SH3PXD2A: variants seen among roughly 807,000 people sequenced by gnomAD.
SH3PXD2A encodes the protein SH3 and PX domains 2A.
Under a neutral mutation model 115.2 loss-of-function variants are expected in SH3PXD2A, and 32 were observed. That is an observed-to-expected ratio of 0.28 (90% CI 0.21 to 0.37). SH3PXD2A has a LOEUF of 0.37. Among genes scored for constraint, SH3PXD2A ranks in the 10% least tolerant of loss-of-function variants. SH3PXD2A has a pLI of 1.00. For synonymous variants in SH3PXD2A, 610 were observed against 629.1 expected (o/e 0.97, Z 0.45); for missense variants, 1,328 against 1,498.7 (o/e 0.89, Z 1.88).
intron 5 of SH3PXD2A, among the ~76,000 whole-genome samples, chr10:103,698,878 G>A (rs1214430204): frequency 2.0e-5 from 3 of 152,012 alleles, no homozygotes; most frequent in Non-Finnish European, 2.9e-5. Context: ...TAAAGGACAA[G>A]GGGGTTTGGA....
intron 11 of SH3PXD2A, among the ~76,000 whole-genome samples, chr10:103,614,469 A>AAAAAC (rs368232709): frequency 2.6e-5 from 4 of 152,236 alleles, no homozygotes; most frequent in Non-Finnish European, 1.5e-5. Context: ...AAAGCAAAAC[A>AAAAAC]AAAACAAAAC....
rs187093355 is a variant in SH3PXD2A at position 103,661,506 on chromosome 10, C to T, written c.473-392G>A. On this transcript the variant is annotated intron_variant, in intron 7 of 14. Transcript: ENST00000369774. The stretch of plus-strand genomic sequence containing the variant: ...CTGGGGCCGACGGGGTCTCTCCGGC[C>T]TCCCTCTCGGGCCGGCAGGGGCATC... The T allele has an allele frequency of 1.6e-4, 49 of 305,096 alleles. 1 individual carries two copies. The East Asian group carries it at 7.5e-3, about 46-fold the overall frequency. The allele number at this position is 305,096 out of a possible 1,614,324, so 18.9% of individuals were successfully genotyped here. A position where few individuals can be genotyped will look rare whatever the true frequency, so the allele number is the denominator to read the frequency against.
intron 2 of SH3PXD2A, among the ~76,000 whole-genome samples, chr10:103,779,655 G>A (rs1280017523): frequency 1.3e-5 from 2 of 152,218 alleles, no homozygotes; most frequent in Non-Finnish European, 2.9e-5. Flanking sequence ...AGGACGGAGA[G>A]TGGTGCAAGA....
intron 3 of SH3PXD2A, among the ~76,000 whole-genome samples, chr10:103,737,475 T>C (rs2038393076): frequency 6.6e-6 from 1 of 152,182 alleles, no homozygotes; most frequent in Non-Finnish European, 1.5e-5. Context: ...TGACTTGTTT[T>C]GGAGGCGATC....
In SH3PXD2A at chr10:103,603,170, T is replaced by G. The variant is rs767370392; in HGVS notation, c.2048A>C (p.Lys683Thr). Residue 683 changes from lysine to threonine, a missense_variant, in exon 15 of 15, where the codon AAG becomes ACG. Lys to Thr is a moderately conservative substitution (Grantham distance 78). Around this residue, in one of 5 missense-constraint regions of SH3PXD2A, gnomAD observed 574 missense variants for 565.7 expected, o/e 1.01. Coordinates refer to ENST00000369774, the MANE Select transcript of SH3PXD2A (RefSeq NM_001394015.1). Reference sequence around the variant, plus strand: ...GGAAAAGGAGGCTGAGGAGTGGTTCTTCCCCATTTCTGCCTGGGCATTCTT... The same window carrying G: ...GGAAAAGGAGGCTGAGGAGTGGTTCGTCCCCATTTCTGCCTGGGCATTCTT... ...AEKNAQAEMG[K>T]NHSSASFSSS... The G allele has an allele frequency of 2.5e-6, 4 of 1,614,002 alleles. No individual in the cohort carries two copies. The South Asian group carries it at 3.3e-5, about 13-fold the overall frequency.
Position 103,665,027 on chromosome 10 carries a change from C to T in SH3PXD2A, c.472+3581G>A, listed in dbSNP as rs1370417191. Among the ~76,000 whole-genome samples the T allele has an allele frequency of 1.3e-5, 2 of 152,148 alleles. No individual in the cohort carries two copies. The highest frequency in any genetic ancestry group is 4.8e-5 in the African/African-American group (2 of 41,434). The stretch of plus-strand genomic sequence containing the variant: ...CACCTCTACTGACCAGACCACAGTG[C>T]CTGTTAGGTGGCAGGCACTCAATAA... On this transcript the variant is annotated intron_variant, in intron 7 of 14. Transcript: ENST00000369774. This position sits in a 1 kb window ranked among gnomAD's most constrained non-coding sequence, Gnocchi z 4.0.
intron 4 of SH3PXD2A, among the ~76,000 whole-genome samples, chr10:103,727,517 A>T (rs567984742): frequency 6.6e-6 from 1 of 152,106 alleles, no homozygotes; most frequent in Non-Finnish European, 1.5e-5. Context: ...CCGGGTGACC[A>T]CCCTGAAAGG....
intron 8 of SH3PXD2A, among the ~76,000 whole-genome samples, chr10:103,633,479 A>G (rs911780289): frequency 6.6e-6 from 1 of 151,592 alleles, no homozygotes; most frequent in Non-Finnish European, 1.5e-5. Context: ...TCCCTGTAGC[A>G]CTTTGGAAGG....
At chr10:103,805,514 C>T (rs1291313720) in intron 1 of SH3PXD2A, among the ~76,000 whole-genome samples, 2 of 152,256 alleles carry the variant, frequency 1.3e-5, no homozygotes, top group Non-Finnish European at 2.9e-5. Flanking sequence ...AGATGTCCCA[C>T]TTCCCAGCCT....
At chr10:103,798,609 A>G (rs2039117433) in intron 2 of SH3PXD2A, among the ~76,000 whole-genome samples, 1 of 152,152 alleles carries the variant, frequency 6.6e-6, no homozygotes, top group African/African-American at 2.4e-5. Context: ...GAGGCTTAGA[A>G]CCACGAGTTG....
chr10:103,725,083 G>A (rs115185039), intron 4 of SH3PXD2A, among the ~76,000 whole-genome samples: 174 of 152,350 alleles, frequency 1.1e-3, no homozygotes, highest in African/African-American at 4.0e-3. Flanking sequence ...TAGAACCCAA[G>A]AAGATGTGGA....
rs1312390365 is a variant in SH3PXD2A, at chr10:103,662,554, C to T, written c.473-1440G>A. On this transcript the variant is annotated intron_variant, in intron 7 of 14. Transcript: ENST00000369774. ...AGCTGGGACTACAGGCGCCCGCCAC[C>T]GCGCCCGGCTAATTTTTTGTATTTT... 5.3e-5 allele frequency among the ~76,000 whole-genome samples: 8 copies of T among 151,112 alleles called. No individual in the cohort carries two copies. The East Asian group carries it at 7.8e-4, about 15-fold the overall frequency.
chr10:103,695,263 A>C (rs535959050), intron 5 of SH3PXD2A, among the ~76,000 whole-genome samples: 5 of 152,264 alleles, frequency 3.3e-5, no homozygotes, highest in African/African-American at 1.2e-4. Context: ...TCCAGCTCTG[A>C]GCAGGTTGAG....
At chr10:103,639,453 T>C (rs1564851178) in intron 8 of SH3PXD2A, among the ~76,000 whole-genome samples, 1 of 151,564 alleles carries the variant, frequency 6.6e-6, no homozygotes, top group Middle Eastern at 3.5e-3. Flanking sequence ...CTATTAAAAA[T>C]ACAAAAGTTA....
intron 3 of SH3PXD2A, among the ~76,000 whole-genome samples, chr10:103,739,551 C>T (rs967531230): frequency 2.4e-4 from 37 of 151,860 alleles, no homozygotes; most frequent in South Asian, 2.1e-4. Context: ...AACCGGTGAC[C>T]GTATAAAAAG....
rs188708262 is a variant in SH3PXD2A, at chr10:103,768,444, C to T, written c.154-1275G>A. Among the ~76,000 whole-genome samples, 12 of 152,238 alleles carry T rather than the reference C, an allele frequency of 7.9e-5. No individual in the cohort carries two copies. The East Asian group carries it at 2.1e-3, about 27-fold the overall frequency. On this transcript the variant is annotated intron_variant, in intron 2 of 14. Transcript: ENST00000369774. ...ACGTGCAAAAAGAGCCTGGCAAGGC[C>T]GATGTGGCTGGAGTGGAGTGAGCCA...
intron 8 of SH3PXD2A, among the ~76,000 whole-genome samples, chr10:103,638,615 G>A: frequency 6.6e-6 from 1 of 152,224 alleles, no homozygotes; most frequent in East Asian, 1.9e-4. Context: ...GCATGAATTT[G>A]GGCAATTGCC....
intron 11 of SH3PXD2A, among the ~76,000 whole-genome samples, chr10:103,614,762 C>T (rs535332332): frequency 3.9e-5 from 6 of 152,188 alleles, no homozygotes; most frequent in East Asian, 1.9e-4. Flanking sequence ...CCTCCCCCCC[C>T]GCCCCGCCCA....
In SH3PXD2A at chr10:103,661,937, C is replaced by T. The variant is rs1302825147; in HGVS notation, c.473-823G>A. The T allele has an allele frequency of 2.3e-5, 23 of 985,050 alleles. No individual in the cohort carries two copies. In the South Asian group the frequency reaches 3.8e-4, roughly 16 times the overall value. 61.0% of individuals were successfully genotyped at this position (985,050 alleles called of 1,614,324 possible). ...CGCCAACTTTTCCTCAAGTTCGCTC[C>T]GTTCCTGCCCCTCGGGCTCACCCAG... is the stretch of plus-strand genomic sequence containing the variant. On this transcript the variant is annotated intron_variant, in intron 7 of 14. Transcript: ENST00000369774.
Sources: allele counts gnomAD v4.1 joint callset (sites outside exome capture counted in the v4.1 genomes callset), GRCh38; gene constraint gnomAD v4.1.1; regional missense constraint gnomAD v4.1.1; non-coding constraint Gnocchi (gnomAD v3.1); transcripts MANE v1.5; gene names NCBI Gene and HGNC (gene_info 2026-07-23, HGNC 2026-07-21).